The following POMGNT1 variants were observed in gnomAD, a reference collection of about 807,000 sequenced individuals.
POMGNT1 encodes protein O-linked mannose N-acetylglucosaminyltransferase 1 (beta 1,2-), also known as protein O-linked-mannose beta-1,2-N-acetylglucosaminyltransferase 1.
In POMGNT1, 67 loss-of-function variants were observed where a neutral mutation model predicts 95.6. That is an observed-to-expected ratio of 0.70 (90% CI 0.58 to 0.86). The LOEUF is 0.86. Ranked by LOEUF, POMGNT1 falls within the 40% of genes least tolerant of loss-of-function variation. The probability of loss-of-function intolerance (pLI) is 0.00; values close to 1 mark genes in which losing one functional copy is unlikely to be tolerated. For missense variants in POMGNT1, 719 were observed against 855.2 expected (o/e 0.84, Z 1.99); for synonymous variants, 298 against 317.9 (o/e 0.94, Z 0.66).
chr1:46,219,778 T>C (rs746465104), exon 1 of POMGNT1: 1 of 1,614,014 alleles, frequency 6.2e-7, no homozygotes, highest in African/African-American at 1.3e-5. Context: ...GTGCGCTGGC[T>C]GTTGGAGGAG....
intron 12 of POMGNT1, 40 bp from the exon 13 acceptor site, chr1:46,193,255 T>C (rs777250094): frequency 5.9e-5 from 96 of 1,613,850 alleles, no homozygotes; most frequent in Non-Finnish European, 9.3e-6. Flanking sequence ...AGCTTTAGGG[T>C]AGAAGGCAGA....
intron 1 of POMGNT1, among the ~76,000 whole-genome samples, chr1:46,211,238 G>A (rs1198295908): frequency 6.6e-6 from 1 of 152,126 alleles, no homozygotes; most frequent in Non-Finnish European, 1.5e-5. Context: ...TTCCTCCAGG[G>A]TATGAGTCAG....
chr1:46,197,975 C>A, intron 1 of POMGNT1, 104 bp from the exon 2 acceptor site: 1 of 1,148,930 alleles, frequency 8.7e-7, no homozygotes, highest in Non-Finnish European at 1.2e-6. Context: ...CCTGCAAGCA[C>A]CCATACTGTG....
chr1:46,197,403 G>A (rs1205702491), intron 2 of POMGNT1: 39 of 1,487,590 alleles, frequency 2.6e-5, no homozygotes, highest in Admixed American at 4.0e-5. Context: ...GGACCCAAGC[G>A]GGGGATCAGA....
At chr1:46,208,257 T>C (rs888507732) in intron 1 of POMGNT1, among the ~76,000 whole-genome samples, 2 of 152,128 alleles carry the variant, frequency 1.3e-5, no homozygotes, top group Non-Finnish European at 2.9e-5. Context: ...CCTCCCGAAG[T>C]TCTGGGATTG....
intron 1 of POMGNT1, among the ~76,000 whole-genome samples, chr1:46,217,199 T>C (rs1460303303): frequency 6.6e-6 from 1 of 151,938 alleles, no homozygotes; most frequent in Non-Finnish European, 1.5e-5. Context: ...TGGAGGGCAA[T>C]TGTGCAGCAA....
chr1:46,195,637 G>A (rs1407319775), intron 6 of POMGNT1, 174 bp downstream of exon 6: 1 of 712,994 alleles, frequency 1.4e-6, no homozygotes, highest in East Asian at 2.8e-5. Context: ...GCATACAGCT[G>A]TTGCTCAATA....
At chr1:46,212,780 GAC>G (rs1269801724) in intron 1 of POMGNT1, among the ~76,000 whole-genome samples, 2 of 150,818 alleles carry the variant, frequency 1.3e-5, no homozygotes, top group Non-Finnish European at 3.0e-5. Flanking sequence ...ATTTTTTTGA[GAC>G]AGAGTCTCGC....
In POMGNT1 at chr1:46,196,020, G is replaced by C. The variant is rs1314590281; in HGVS notation, c.412C>G (p.Gln138Glu). The part of the protein sequence containing the change: ...GRGIHVIVLN[Q>E]ATGHVMAKRV... ...CACCCCTAGAAACTCACCGTGGCCTGGTTGAGGACAATGACATGGATGCCC... is the reference window on the plus strand; with the variant it reads ...CACCCCTAGAAACTCACCGTGGCCTCGTTGAGGACAATGACATGGATGCCC... Residue 138 changes from glutamine (Q) to glutamate (E), a missense_variant, in exon 5 of 22, where the codon CAG (glutamine) becomes GAG (glutamate). Coordinates refer to ENST00000371984, the MANE Select transcript of POMGNT1 (RefSeq NM_017739.4). The surrounding 1 kb of genome is among the most constrained non-coding windows in gnomAD (Gnocchi z 4.4). The C allele has an allele frequency of 6.2e-7, 1 of 1,613,968 alleles. No individual in the cohort carries two copies. Among genetic ancestry groups the C allele is most frequent in the Non-Finnish European group, 8.5e-7 (1 of 1,180,036 alleles).
intron 1 of POMGNT1, among the ~76,000 whole-genome samples, chr1:46,212,100 T>C (rs1039812883): frequency 6.6e-6 from 1 of 152,170 alleles, no homozygotes; most frequent in African/African-American, 2.4e-5. Context: ...TACTCTGGTT[T>C]ATCATAGATG....
At chr1:46,209,040 G>A (rs1358961949) in intron 1 of POMGNT1, among the ~76,000 whole-genome samples, 1 of 152,046 alleles carries the variant, frequency 6.6e-6, no homozygotes, top group African/African-American at 2.4e-5. Context: ...TTTATTTTGT[G>A]GGGGATAGAG....
In POMGNT1 at chr1:46,218,318, G is replaced by A. The variant is rs145037911; in HGVS notation, c.-51+1387C>T. On this transcript the variant is annotated intron_variant, in intron 1 of 22. Transcript: ENST00000371992. Reference sequence around the variant, plus strand: ...AGAGAATCGCTTGAGACCAGGAGATGGAGGCTGTAGTGAGCCATGACTGTG... The same window carrying A: ...AGAGAATCGCTTGAGACCAGGAGATAGAGGCTGTAGTGAGCCATGACTGTG... Among the ~76,000 whole-genome samples, 14 of 152,316 alleles carry A rather than the reference G, an allele frequency of 9.2e-5. 1 individual carries two copies. Among genetic ancestry groups the A allele is most frequent in the Admixed American group, 5.9e-4 (9 of 15,282 alleles).
intron 1 of POMGNT1, among the ~76,000 whole-genome samples, chr1:46,219,435 C>T (rs898348622): frequency 1.3e-5 from 2 of 152,188 alleles, no homozygotes; most frequent in African/African-American, 2.4e-5. Context: ...TCAGAATCCT[C>T]ACAGCTACCC....
chr1:46,196,623 T>C lies in POMGNT1; in HGVS notation c.354+108A>G, dbSNP rs1658258676. 6.3e-7 allele frequency: 1 copy of C among 1,599,746 alleles called. No individual in the cohort carries two copies. The highest frequency in any genetic ancestry group is 1.3e-5 in the African/African-American group (1 of 74,762). On this transcript the variant is annotated intron_variant, in intron 4 of 21. Coordinates refer to ENST00000371984, the MANE Select transcript of POMGNT1 (RefSeq NM_017739.4). This position sits in a 1 kb window ranked among gnomAD's most constrained non-coding sequence, Gnocchi z 4.4. ...ATCGAGGACTCCAAAGTCACACAGC[T>C]AGAAACTGGCAGAGTTGCAGTTCCC... is the stretch of plus-strand genomic sequence containing the variant.
chr1:46,210,201 C>T (rs1658850070), intron 1 of POMGNT1, among the ~76,000 whole-genome samples: 1 of 152,106 alleles, frequency 6.6e-6, no homozygotes, highest in South Asian at 2.1e-4. Flanking sequence ...TCCAAAAACA[C>T]AAATAATTTC....
intron 1 of POMGNT1, 174 bp from the exon 2 acceptor site, chr1:46,198,045 G>T: frequency 4.9e-6 from 3 of 611,684 alleles, no homozygotes; most frequent in Non-Finnish European, 8.5e-6. Flanking sequence ...AGTGGGGTTG[G>T]ATCACCTGGA....
chr1:46,201,120 G>A (rs888709140), upstream of POMGNT1, among the ~76,000 whole-genome samples: 1 of 151,860 alleles, frequency 6.6e-6, no homozygotes, highest in Non-Finnish European at 1.5e-5. Flanking sequence ...AACAGAGCCG[G>A]ACTCTGTCTC....
At chr1:46,214,294 C>T (rs949948522) in intron 1 of POMGNT1, among the ~76,000 whole-genome samples, 1 of 149,866 alleles carries the variant, frequency 6.7e-6, no homozygotes, top group Non-Finnish European at 1.5e-5. Context: ...TGCAGTGAGC[C>T]GAGATCGTGC....
At position 46,192,333 on chromosome 1, in the gene POMGNT1, T is replaced by A; in HGVS notation, c.1388A>T (p.Glu463Val). 6.2e-7 allele frequency: 1 copy of A among 1,614,146 alleles called. No individual in the cohort carries two copies. Among genetic ancestry groups the A allele is most frequent in the Non-Finnish European group, 8.5e-7 (1 of 1,180,020 alleles). Residue 463 changes from glutamate to valine, a missense_variant, in exon 16 of 22, where the codon GAG becomes GTG. This residue lies in a region of POMGNT1 where 118 missense variants were observed against 153.6 expected (regional missense o/e 0.77). Coordinates refer to ENST00000371984, the MANE Select transcript of POMGNT1 (RefSeq NM_017739.4). Reference protein sequence around the residue: ...LRRSLYKEELEPKWPTPEKLW... With the variant: ...LRRSLYKEELVPKWPTPEKLW... ...CTTTTCCGGTGTAGGCCACTTGGGCTCAAGCTCCTCCTTGTACAAGGACCT... is the reference window on the plus strand; with the variant it reads ...CTTTTCCGGTGTAGGCCACTTGGGCACAAGCTCCTCCTTGTACAAGGACCT...
Sources: allele counts gnomAD v4.1 joint callset (sites outside exome capture counted in the v4.1 genomes callset), GRCh38; gene constraint gnomAD v4.1.1; regional missense constraint gnomAD v4.1.1; non-coding constraint Gnocchi (gnomAD v3.1); transcripts MANE v1.5; gene names NCBI Gene and HGNC (gene_info 2026-07-23, HGNC 2026-07-21).